The following ANK3 variants were observed in gnomAD, a reference collection of about 807,000 sequenced individuals.
The protein encoded by ANK3 is ankyrin-3.
A neutral mutation model predicts 370.9 loss-of-function variants in ANK3; 57 were observed. The observed-to-expected ratio is 0.15, with a 90% CI of 0.12 to 0.19. The LOEUF is 0.19. Ranked by LOEUF, ANK3 falls within the 10% of genes least tolerant of loss-of-function variation. The pLI, the probability that ANK3 is intolerant of heterozygous loss-of-function variation, is 1.00. For missense variants in ANK3, 4,439 were observed against 5,302.1 expected, an observed-to-expected ratio of 0.84 and a Z score of 5.06; for synonymous variants, 1,929 against 1,946.3, an observed-to-expected ratio of 0.99 and a Z score of 0.23.
chr10:60,595,248 A>C (rs2077971055), intron 2 of ANK3, among the ~76,000 whole-genome samples: 1 of 152,148 alleles, frequency 6.6e-6, no homozygotes. Context: ...AGTTTAGTAC[A>C]TGTAGAGTCA....
intron 1 of ANK3, among the ~76,000 whole-genome samples, chr10:60,290,549 A>G (rs567939846): frequency 1.3e-5 from 2 of 152,332 alleles, no homozygotes; most frequent in Admixed American, 1.3e-4. Context: ...TATTAGTAAT[A>G]ATCACTGTCA....
Position 60,579,597 on chromosome 10 carries a change from T to C in ANK3, c.96+35589A>G, listed in dbSNP as rs981517599. 4.6e-5 allele frequency among the ~76,000 whole-genome samples: 7 copies of C among 152,218 alleles called. No homozygotes were observed. In the East Asian group the frequency reaches 9.7e-4, roughly 21 times the overall value. On this transcript the variant is annotated intron_variant, in intron 2 of 43. Transcript: ENST00000373827. The stretch of plus-strand genomic sequence containing the variant: ...CAGGTTCTAGCCAATGATATTTTCA[T>C]CATGTCATTATTAACCCTCAGAGTA...
At chr10:60,160,507 T>C (rs1591032336) in intron 23 of ANK3, among the ~76,000 whole-genome samples, 3 of 152,206 alleles carry the variant, frequency 2.0e-5, no homozygotes, top group Non-Finnish European at 2.9e-5. Flanking sequence ...ATCCTACTTA[T>C]ATTATTCCAA....
intron 1 of ANK3, among the ~76,000 whole-genome samples, chr10:60,691,415 C>T (rs2079350807): frequency 6.6e-6 from 1 of 152,172 alleles, no homozygotes; most frequent in Non-Finnish European, 1.5e-5. Flanking sequence ...ATCAATATCT[C>T]TGAAACTCAT....
chr10:60,514,522 C>A (rs1412106147), intron 2 of ANK3, among the ~76,000 whole-genome samples: 1 of 152,104 alleles, frequency 6.6e-6, no homozygotes. Context: ...ATTAATCTTG[C>A]AGTTGGATCC....
At chr10:60,301,413 ATT>A (rs769439635) in intron 1 of ANK3, among the ~76,000 whole-genome samples, 15,781 of 123,360 alleles carry the variant, frequency 0.13, 734 homozygotes, top group African/African-American at 0.15. Flanking sequence ...CACAATATAC[ATT>A]TTTTTTTTTT....
intron 23 of ANK3, among the ~76,000 whole-genome samples, chr10:60,161,072 TCCAAA>T (rs1565389515): frequency 2.0e-5 from 3 of 152,110 alleles, no homozygotes; most frequent in Admixed American, 2.0e-4. Flanking sequence ...ATAAAGGACA[TCCAAA>T]TTAGAAAAGA....
chr10:60,042,818 G>A lies in ANK3; in HGVS notation c.13066-59C>T, dbSNP rs558001619. ...GTGAAACAGTGTTAGTTATAAAGCA[G>A]TCCATTCTGATCCTTGGAGGCTGGA... On this transcript the variant is annotated intron_variant, in intron 42 of 43. Coordinates refer to ENST00000280772, the MANE Select transcript of ANK3 (RefSeq NM_020987.5). 21 of 1,456,086 alleles carry A rather than the reference G, an allele frequency of 1.4e-5. No individual in the cohort carries two copies. The Admixed American group carries it at 4.8e-4, about 33-fold the overall frequency. The allele number at this position is 1,456,086 out of a possible 1,614,324, so 90.2% of individuals were successfully genotyped here. A position where few individuals can be genotyped will look rare whatever the true frequency, so the allele number is the denominator to read the frequency against.
At chr10:60,418,235 G>C (rs1052220541) in intron 2 of ANK3, among the ~76,000 whole-genome samples, 4 of 152,132 alleles carry the variant, frequency 2.6e-5, no homozygotes, top group African/African-American at 9.7e-5. Context: ...GTTTTCAAAA[G>C]CTTCCCCAAC....
intron 11 of ANK3, among the ~76,000 whole-genome samples, chr10:60,204,750 G>A (rs2096735405): frequency 6.6e-6 from 1 of 152,100 alleles, no homozygotes; most frequent in Non-Finnish European, 1.5e-5. Context: ...AGCCTCTGGG[G>A]TTCTTGGGGG....
chr10:60,067,066 T>G (rs1244217401), intron 38 of ANK3, among the ~76,000 whole-genome samples: 3 of 152,106 alleles, frequency 2.0e-5, no homozygotes, highest in Admixed American at 6.6e-5. Context: ...ACGACAGGCA[T>G]GCACCACCAC....
At chr10:60,211,789 T>C (rs1401729642) in intron 9 of ANK3, among the ~76,000 whole-genome samples, 9 of 150,558 alleles carry the variant, frequency 6.0e-5, no homozygotes, top group Non-Finnish European at 1.3e-4. Context: ...CACTGCCACC[T>C]GATCAGCACT....
chr10:60,051,899 T>C (rs1013892228), intron 42 of ANK3, among the ~76,000 whole-genome samples: 2 of 152,086 alleles, frequency 1.3e-5, no homozygotes, highest in African/African-American at 4.8e-5. Context: ...TCATATTCCT[T>C]TTAAAACTAG....
Position 60,602,538 on chromosome 10 carries a change from C to A in ANK3, c.96+12648G>T, listed in dbSNP as rs545955803. On this transcript the variant is annotated intron_variant, in intron 2 of 43. Coordinates refer to the ANK3 transcript ENST00000373827. ...ACCATTTGAAAAGGGTATATCATAA[C>A]CTCATTTTAATATTAAATTTTAGAT... Among the ~76,000 whole-genome samples, 5 of 152,206 alleles carry A rather than the reference C, an allele frequency of 3.3e-5. No individual in the cohort carries two copies. In the South Asian group the frequency reaches 8.3e-4, roughly 25 times the overall value.
At chr10:60,341,670 G>A (rs1031296557) in intron 1 of ANK3, among the ~76,000 whole-genome samples, 1 of 152,116 alleles carries the variant, frequency 6.6e-6, no homozygotes, top group Non-Finnish European at 1.5e-5. Context: ...ATCGTGCCTG[G>A]TTCCTTTTTG....
At chr10:60,187,346 G>A (rs189053548) in intron 16 of ANK3, among the ~76,000 whole-genome samples, 328 of 151,876 alleles carry the variant, frequency 2.2e-3, no homozygotes, top group East Asian at 0.011. Flanking sequence ...TAGTAGAGAC[G>A]GGGTTTCACG....
chr10:60,094,730 AAGTGTGAAAAGG>A, intron 28 of ANK3, among the ~76,000 whole-genome samples: 1 of 24,314 alleles, frequency 4.1e-5, no homozygotes, highest in Non-Finnish European at 7.3e-5. Context: ...GATAGTAGGT[AAGTGTGAAAAGG>A]CAAAAGGAGG....
At chr10:60,490,365 A>G (rs1335699743) in intron 2 of ANK3, among the ~76,000 whole-genome samples, 1 of 152,200 alleles carries the variant, frequency 6.6e-6, no homozygotes, top group East Asian at 1.9e-4. Flanking sequence ...CTTCTGATGC[A>G]TGAAAAAGTT....
At chr10:60,077,892 G>A (rs750968629) in intron 36 of ANK3, among the ~76,000 whole-genome samples, 36 of 152,148 alleles carry the variant, frequency 2.4e-4, no homozygotes, top group Non-Finnish European at 1.2e-4. Flanking sequence ...TAGGAAGAAT[G>A]GATATAGTAA....
Sources: gnomAD v4.1 joint callset for allele counts (sites outside exome capture counted in the v4.1 genomes callset) on GRCh38, gnomAD v4.1.1 for gene constraint, MANE v1.5 for transcripts, NCBI Gene and HGNC (gene_info 2026-07-23, HGNC 2026-07-21) for gene names.